ISM1: variants seen among roughly 807,000 people sequenced by gnomAD.
ISM1 encodes the protein isthmin-1.
Under a neutral mutation model 46.3 loss-of-function variants are expected in ISM1, and 25 were observed. The observed-to-expected ratio is 0.54, with a 90% CI of 0.39 to 0.75. ISM1 has a LOEUF of 0.75. Among genes scored for constraint, ISM1 ranks in the 30% least tolerant of loss-of-function variants. The pLI is 0.00. For synonymous variants in ISM1, 255 were observed against 256.7 expected (o/e 0.99, Z 0.06); for missense variants, 536 against 625.4 (o/e 0.86, Z 1.52).
At chr20:13,273,756 C>T (rs2040141926) in intron 2 of ISM1, among the ~76,000 whole-genome samples, 1 of 152,136 alleles carries the variant, frequency 6.6e-6, no homozygotes. Context: ...TCAAAGTCAA[C>T]AAATCAAAAA....
rs367550683 is a variant in ISM1, at chr20:13,288,565, G to A, written c.669G>A (p.Trp223Ter). Residue 223 changes from tryptophan to a stop codon, truncating the protein, a stop_gained, in exon 4 of 6, where the codon TGG becomes TGA. Coordinates refer to ENST00000262487, the MANE Select transcript of ISM1 (RefSeq NM_080826.2). LOFTEE classifies it high-confidence loss of function. ...ATTCCACAGATGGCGAGGGTGACTG[G>A]AGTCTCTGGTCTGTCTGCAGCGTCA... is the stretch of plus-strand genomic sequence containing the variant. ...EYDSTDGEGD[W>*]SLWSVCSVTC... The A allele has an allele frequency of 1.2e-5, 20 of 1,613,790 alleles. No homozygotes were observed. The highest frequency in any genetic ancestry group is 1.0e-5 in the Non-Finnish European group (12 of 1,179,856).
intron 2 of ISM1, among the ~76,000 whole-genome samples, chr20:13,277,937 T>C (rs2040198676): frequency 6.6e-6 from 1 of 152,084 alleles, no homozygotes; most frequent in Non-Finnish European, 1.5e-5. Context: ...AACCTCCCCA[T>C]TCGTAACACA....
chr20:13,226,051 A>T (rs954722498), intron 1 of ISM1, among the ~76,000 whole-genome samples: 3 of 152,204 alleles, frequency 2.0e-5, no homozygotes, highest in African/African-American at 7.2e-5. Flanking sequence ...TTTAGTAGTA[A>T]GTCAGAACTC....
chr20:13,313,697 T>C, the ISM1 span, among the ~76,000 whole-genome samples: 1 of 152,198 alleles, frequency 6.6e-6, no homozygotes, highest in Admixed American at 6.5e-5. Flanking sequence ...ACAGCTCCTT[T>C]TACCAATATA....
chr20:13,275,711 T>C (rs887839389), intron 2 of ISM1, among the ~76,000 whole-genome samples: 1 of 152,220 alleles, frequency 6.6e-6, no homozygotes, highest in Non-Finnish European at 1.5e-5. Context: ...TATGAAGTGC[T>C]TAGCACAGGG....
At chr20:13,269,433 T>C (rs1600530745) in intron 1 of ISM1, among the ~76,000 whole-genome samples, 1 of 152,236 alleles carries the variant, frequency 6.6e-6, no homozygotes, top group East Asian at 1.9e-4. Flanking sequence ...AACCATTAGA[T>C]TTCAGAATGC....
intron 1 of ISM1, among the ~76,000 whole-genome samples, chr20:13,230,678 G>A (rs936773429): frequency 3.3e-5 from 5 of 152,010 alleles, no homozygotes; most frequent in African/African-American, 1.2e-4. Context: ...GAGATGGGAT[G>A]GGGGTGTCGG....
At chr20:13,265,663 G>A (rs1007477271) in intron 1 of ISM1, among the ~76,000 whole-genome samples, 2 of 152,122 alleles carry the variant, frequency 1.3e-5, no homozygotes, top group Non-Finnish European at 2.9e-5. Context: ...AAAACCTCTT[G>A]CAATTGTGAT....
chr20:13,283,851 G>A (rs1396771416), intron 3 of ISM1, among the ~76,000 whole-genome samples: 1 of 152,160 alleles, frequency 6.6e-6, no homozygotes, highest in African/African-American at 2.4e-5. Context: ...AGATTTCACA[G>A]TGATTTTTTT....
At chr20:13,265,536 C>A (rs947883478) in intron 1 of ISM1, among the ~76,000 whole-genome samples, 8 of 152,148 alleles carry the variant, frequency 5.3e-5, no homozygotes. Flanking sequence ...TGTTAATCAT[C>A]GAAAGCTTCC....
chr20:13,268,150 TCTTCC>T (rs1407539250), intron 1 of ISM1, among the ~76,000 whole-genome samples: 8 of 141,510 alleles, frequency 5.7e-5, no homozygotes, highest in Admixed American at 7.1e-5. Flanking sequence ...TCTTCTCTTC[TCTTCC>T]CTTCCCTTCT....
the ISM1 span, among the ~76,000 whole-genome samples, chr20:13,308,901 T>G: frequency 6.6e-6 from 1 of 152,090 alleles, no homozygotes; most frequent in African/African-American, 2.4e-5. Flanking sequence ...TTCCACCATG[T>G]AAGCACAAAA....
chr20:13,265,658 C>A (rs1245994095), intron 1 of ISM1, among the ~76,000 whole-genome samples: 1 of 152,176 alleles, frequency 6.6e-6, no homozygotes, highest in East Asian at 1.9e-4. Context: ...GAGGAAAAAC[C>A]TCTTGCAATT....
the ISM1 span, among the ~76,000 whole-genome samples, chr20:13,309,777 A>G: frequency 1.3e-5 from 2 of 152,214 alleles, no homozygotes; most frequent in African/African-American, 4.8e-5. Context: ...ACATAAAAAA[A>G]TCAGCAATGT....
chr20:13,278,522 G>A (rs77281729), intron 2 of ISM1, among the ~76,000 whole-genome samples: 4,273 of 152,256 alleles, frequency 0.028, 220 homozygotes, highest in African/African-American at 0.095. Context: ...TACTTTTTGA[G>A]AGACAGTGTG....
chr20:13,238,966 A>G (rs1471359261), intron 1 of ISM1: 1 of 152,268 alleles, frequency 6.6e-6, no homozygotes, highest in East Asian at 1.9e-4. Context: ...TCACTGGTAC[A>G]TTCAGGAAGA....
chr20:13,256,849 G>A (rs1249967554), intron 1 of ISM1, among the ~76,000 whole-genome samples: 3 of 152,160 alleles, frequency 2.0e-5, no homozygotes, highest in East Asian at 1.9e-4. Flanking sequence ...AAAGCCAATC[G>A]GTAGAAGTGA....
chr20:13,234,610 A>G (rs78543682), intron 1 of ISM1, among the ~76,000 whole-genome samples: 1 of 152,206 alleles, frequency 6.6e-6, no homozygotes, highest in Non-Finnish European at 1.5e-5. Flanking sequence ...GTCCTCGCCA[A>G]CATATGTTGC....
intron 1 of ISM1, among the ~76,000 whole-genome samples, chr20:13,249,520 AAACATTTAC>A (rs2039841102): frequency 6.6e-6 from 1 of 152,208 alleles, no homozygotes. Context: ...GGCCCAAAGG[AAACATTTAC>A]AACCAAATTA....
Sources: allele counts gnomAD v4.1 joint callset (sites outside exome capture counted in the v4.1 genomes callset), GRCh38; gene constraint gnomAD v4.1.1; transcripts MANE v1.5; gene names NCBI Gene and HGNC (gene_info 2026-07-23, HGNC 2026-07-21).